PPHLN1: variants seen among roughly 807,000 people sequenced by gnomAD.
PPHLN1 encodes the protein periphilin-1.
A neutral mutation model predicts 51.3 loss-of-function variants in PPHLN1; 29 were observed. The ratio of observed to expected loss-of-function variants is 0.57; its 90% CI spans 0.42 to 0.77. The LOEUF is 0.77. Ranked by LOEUF, PPHLN1 falls within the 30% of genes least tolerant of loss-of-function variation. The probability of loss-of-function intolerance (pLI) is 0.00; values close to 1 mark genes in which losing one functional copy is unlikely to be tolerated. For synonymous variants in PPHLN1, 147 were observed against 147.8 expected (o/e 0.99, Z 0.04); for missense variants, 436 against 438.4 (o/e 0.99, Z 0.05).
At chr12:42,396,353 A>G (rs1472060193) in intron 8 of PPHLN1, among the ~76,000 whole-genome samples, 3 of 152,130 alleles carry the variant, frequency 2.0e-5, no homozygotes, top group African/African-American at 4.8e-5. Context: ...TTCACTAAAT[A>G]TGCATTGTAT....
At chr12:42,349,948 G>A (rs12229224) in intron 2 of PPHLN1, among the ~76,000 whole-genome samples, 42,284 of 151,588 alleles carry the variant, frequency 0.28, 7,235 homozygotes, top group Non-Finnish European at 0.38. Flanking sequence ...GTGGTGGCCC[G>A]GCAGAGGGGC....
At chr12:42,327,139 C>G (rs1273258511) in intron 1 of PPHLN1, among the ~76,000 whole-genome samples, 2 of 152,192 alleles carry the variant, frequency 1.3e-5, no homozygotes, top group Non-Finnish European at 2.9e-5. Context: ...CTTCTGTGGT[C>G]TTCTGTGCTA....
chr12:42,337,941 G>A (rs1322833213), intron 2 of PPHLN1, among the ~76,000 whole-genome samples: 3 of 151,552 alleles, frequency 2.0e-5, no homozygotes, highest in Admixed American at 6.6e-5. Context: ...AAGCCACCAC[G>A]CCTGGCTAAT....
At chr12:42,430,801 T>A (rs2081972237) in intron 9 of PPHLN1, among the ~76,000 whole-genome samples, 1 of 152,184 alleles carries the variant, frequency 6.6e-6, no homozygotes, top group South Asian at 2.1e-4. Context: ...GCCAATACAC[T>A]GTGTTATCTC....
intron 9 of PPHLN1, among the ~76,000 whole-genome samples, chr12:42,411,903 CAA>C (rs1212289027): frequency 8.8e-5 from 3 of 33,974 alleles, no homozygotes; most frequent in Non-Finnish European, 1.5e-4. Flanking sequence ...GACTCAGTCT[CAA>C]AAAAAAAAAA....
At chr12:42,425,816 T>C (rs553755108) in intron 9 of PPHLN1, among the ~76,000 whole-genome samples, 1 of 152,368 alleles carries the variant, frequency 6.6e-6, no homozygotes, top group South Asian at 2.1e-4. Context: ...TGTGTCCTTC[T>C]AGGTCCTGTG....
chr12:42,326,808 A>C (rs2068850453), intron 1 of PPHLN1, among the ~76,000 whole-genome samples: 1 of 152,188 alleles, frequency 6.6e-6, no homozygotes, highest in African/African-American at 2.4e-5. Context: ...GAAAAATCAG[A>C]ACGTAATGCA....
chr12:42,433,614 A>G (rs1045676949), intron 9 of PPHLN1, among the ~76,000 whole-genome samples: 5 of 152,274 alleles, frequency 3.3e-5, no homozygotes, highest in East Asian at 1.9e-4. Context: ...GAGCCACCGC[A>G]CCCGGCCCAC....
At chr12:42,446,141 C>A (rs778073885), downstream of PPHLN1, 6 of 1,586,022 alleles carry the variant, frequency 3.8e-6, no homozygotes, top group South Asian at 1.1e-5. Context: ...ACAGCTTCGT[C>A]GGACGACAGG....
intron 4 of PPHLN1, among the ~76,000 whole-genome samples, chr12:42,360,699 T>TCAA (rs1190869163): frequency 3.3e-5 from 5 of 152,082 alleles, no homozygotes; most frequent in Admixed American, 3.3e-4. Context: ...TTCATTATGT[T>TCAA]GGCCAGGCTG....
intron 2 of PPHLN1, among the ~76,000 whole-genome samples, chr12:42,349,557 T>C (rs961963144): frequency 1.3e-5 from 2 of 151,070 alleles, no homozygotes; most frequent in African/African-American, 5.0e-5. Flanking sequence ...CCCTGCGGCC[T>C]TCCGCAGTGT....
chr12:42,360,110 C>CAAAAAAAAAAAAAAAAAAAAAAA (rs10643805), intron 4 of PPHLN1, among the ~76,000 whole-genome samples: 18 of 123,104 alleles, frequency 1.5e-4, no homozygotes, highest in East Asian at 5.5e-4. Flanking sequence ...GACTCCATCT[C>CAAAAAAAAAAAAAAAAAAAAAAA]AAAAAAAAAA....
intron 9 of PPHLN1, among the ~76,000 whole-genome samples, chr12:42,423,185 C>G (rs2081150293): frequency 6.6e-6 from 1 of 152,016 alleles, no homozygotes; most frequent in Non-Finnish European, 1.5e-5. Context: ...ATTCATATAC[C>G]AATTACTCTA....
chr12:42,381,618 T>G (rs2076764952), intron 5 of PPHLN1, among the ~76,000 whole-genome samples: 1 of 152,184 alleles, frequency 6.6e-6, no homozygotes, highest in South Asian at 2.1e-4. Flanking sequence ...TCTCATTTTT[T>G]GGTGTCTTTA....
chr12:42,381,735 TC>T (rs1444771180), intron 5 of PPHLN1, among the ~76,000 whole-genome samples: 1 of 152,216 alleles, frequency 6.6e-6, no homozygotes, highest in Non-Finnish European at 1.5e-5. Flanking sequence ...AGTCCCAAAT[TC>T]CCACATCTTC....
At position 42,335,882 on chromosome 12, in the gene PPHLN1, G is replaced by A; in HGVS notation, c.-20-1G>A. 6.7e-7 allele frequency: 1 copy of A among 1,489,974 alleles called. No homozygotes were observed. The highest frequency in any genetic ancestry group is 2.5e-5 in the East Asian group (1 of 40,558). 92.3% of individuals were successfully genotyped at this position (1,489,974 alleles called of 1,614,324 possible). A position where few individuals can be genotyped will look rare whatever the true frequency, so the allele number is the denominator to read the frequency against. On this transcript the variant is annotated splice_acceptor_variant, in intron 1 of 9. Coordinates refer to ENST00000358314, the MANE Select transcript of PPHLN1 (RefSeq NM_201439.2). LOFTEE classifies it low-confidence loss of function (5UTR_SPLICE). ...TCCATAATTCTTTTTTTTTTCTTTA[G>A]TGGCTTACAGAAGAGACGAAATGTG...
chr12:42,343,978 T>G (rs886766253), intron 2 of PPHLN1: 1 of 362,654 alleles, frequency 2.8e-6, no homozygotes, highest in Non-Finnish European at 5.3e-6. Flanking sequence ...GTTAGGAAAT[T>G]ACAAGCTTAT....
At chr12:42,336,375 A>G (rs2070670289) in intron 2 of PPHLN1, among the ~76,000 whole-genome samples, 1 of 149,436 alleles carries the variant, frequency 6.7e-6, no homozygotes, top group South Asian at 2.1e-4. Context: ...TTCTAAAAGT[A>G]GGCTTTCATT....
chr12:42,355,592 G>GA (rs61046280), intron 4 of PPHLN1: 50,325 of 152,130 alleles, frequency 0.33, 9,840 homozygotes, highest in African/African-American at 0.54. Context: ...CAAAAAAAAA[G>GA]AAAAAAAAAT....
Sources: allele counts gnomAD v4.1 joint callset (sites outside exome capture counted in the v4.1 genomes callset), GRCh38; gene constraint gnomAD v4.1.1; transcripts MANE v1.5; gene names NCBI Gene and HGNC (gene_info 2026-07-23, HGNC 2026-07-21).